VANGL2: variants seen among roughly 807,000 people sequenced by gnomAD.
The protein encoded by VANGL2 is vang-like protein 2.
Under a neutral mutation model 50.2 loss-of-function variants are expected in VANGL2, and 14 were observed. The ratio of observed to expected loss-of-function variants is 0.28; its 90% CI spans 0.18 to 0.44. The LOEUF is 0.44. Among genes scored for constraint, VANGL2 ranks in the 20% least tolerant of loss-of-function variants. The probability of loss-of-function intolerance (pLI) is 1.00; values close to 1 mark genes in which losing one functional copy is unlikely to be tolerated. For missense variants in VANGL2, 533 were observed against 701.5 expected, an observed-to-expected ratio of 0.76 and a Z score of 2.71; for synonymous variants, 295 against 297.2, an observed-to-expected ratio of 0.99 and a Z score of 0.08.
In VANGL2 at chr1:160,419,240, C is replaced by T; in HGVS notation, c.431C>T (p.Ala144Val). ...WREELEPCGT[A>V]CEGLFISVAF... Reference sequence around the variant, plus strand: ...GAGGAGCTGGAGCCTTGCGGGACGGCCTGCGAGGGCCTCTTCATCTCTGTC... The same window carrying T: ...GAGGAGCTGGAGCCTTGCGGGACGGTCTGCGAGGGCCTCTTCATCTCTGTC... The change falls in exon 4 of 8, where the codon GCC becomes GTC. Residue 144 changes from alanine (A) to valine (V), a missense_variant. Physicochemically the swap from Ala to Val is moderately conservative, Grantham distance 64 (BLOSUM62 0). Transcript: ENST00000368061. This position sits in a 1 kb window ranked among gnomAD's most constrained non-coding sequence, Gnocchi z 5.8. 1 of 1,608,788 alleles carries T rather than the reference C, an allele frequency of 6.2e-7. No individual in the cohort carries two copies. Among genetic ancestry groups the T allele is most frequent in the East Asian group, 2.2e-5 (1 of 44,874 alleles).
At chr1:160,415,562 G>T in intron 1 of VANGL2, 86 bp from the exon 2 acceptor site, 2 of 502,176 alleles carry the variant, frequency 4.0e-6, no homozygotes, top group Non-Finnish European at 7.3e-6. Context: ...TGAGCCTCCT[G>T]TGGCTGTTGT....
chr1:160,416,307 G>A, intron 3 of VANGL2, 125 bp downstream of exon 3: 4 of 1,514,716 alleles, frequency 2.6e-6, no homozygotes, highest in Non-Finnish European at 3.6e-6. Context: ...ATCGGGGAGT[G>A]TGTTTTGTGT....
chr1:160,423,800 A>G (rs1020901293), intron 6 of VANGL2, among the ~76,000 whole-genome samples: 2 of 152,244 alleles, frequency 1.3e-5, no homozygotes, highest in African/African-American at 2.4e-5. Context: ...TTCCTATAGC[A>G]TAGTTCCTAG....
intron 1 of VANGL2, among the ~76,000 whole-genome samples, chr1:160,405,795 A>T (rs1650639427): frequency 6.6e-6 from 1 of 152,072 alleles, no homozygotes; most frequent in Non-Finnish European, 1.5e-5. Flanking sequence ...AGAGGAGGAA[A>T]GGTGGGGGAT....
At chr1:160,420,665 G>C (rs566752920) in intron 5 of VANGL2, 118 bp downstream of exon 5, 1 of 1,483,462 alleles carries the variant, frequency 6.7e-7, no homozygotes, top group Non-Finnish European at 9.3e-7. Context: ...TGTTCTAGCC[G>C]CTTCTATTCA....
chr1:160,421,216 A>G (rs1156603966), intron 6 of VANGL2, 29 bp downstream of exon 6: 15 of 1,611,524 alleles, frequency 9.3e-6, no homozygotes, highest in Non-Finnish European at 1.2e-5. Flanking sequence ...AGAGGAGAGG[A>G]GGTGCTTGTT....
intron 6 of VANGL2, 98 bp downstream of exon 6, chr1:160,421,285 TG>T: frequency 1.3e-6 from 2 of 1,496,434 alleles, no homozygotes; most frequent in Non-Finnish European, 1.8e-6. Context: ...TATAGGGCAA[TG>T]ATGACATGAG....
chr1:160,411,786 G>A (rs1244152649), intron 1 of VANGL2, among the ~76,000 whole-genome samples: 1 of 152,108 alleles, frequency 6.6e-6, no homozygotes, highest in African/African-American at 2.4e-5. Flanking sequence ...CCCTTGTCTG[G>A]TTTGAAATTT....
intron 6 of VANGL2, among the ~76,000 whole-genome samples, chr1:160,421,566 A>G (rs1035629430): frequency 1.1e-4 from 16 of 152,286 alleles, no homozygotes; most frequent in Admixed American, 8.5e-4. Context: ...TTTTTTTTCC[A>G]GCAGAAACAG....
At chr1:160,407,396 C>T (rs554998988) in intron 1 of VANGL2, among the ~76,000 whole-genome samples, 2 of 152,288 alleles carry the variant, frequency 1.3e-5, no homozygotes, top group South Asian at 4.1e-4. Context: ...TCCCCAGTCA[C>T]ACTGCATCTC....
At chr1:160,420,645 C>T in intron 5 of VANGL2, 98 bp downstream of exon 5, 2 of 1,579,910 alleles carry the variant, frequency 1.3e-6, no homozygotes, top group African/African-American at 1.3e-5. Context: ...TTTTTCCTTT[C>T]CTTAGCCCAT....
At chr1:160,423,412 T>C (rs1487817223) in intron 6 of VANGL2, among the ~76,000 whole-genome samples, 1 of 152,208 alleles carries the variant, frequency 6.6e-6, no homozygotes, top group African/African-American at 2.4e-5. Context: ...AAAGTAATAT[T>C]TTACTAACAT....
In VANGL2 at chr1:160,416,251, A is replaced by G. The variant is rs180943447; in HGVS notation, c.192+69A>G. Reference sequence around the variant, plus strand: ...CTGCTCCTGAGGGGCTGGAGGCTCCACGGAGTGGGGGAGGGCTTGGAAACC... The same window carrying G: ...CTGCTCCTGAGGGGCTGGAGGCTCCGCGGAGTGGGGGAGGGCTTGGAAACC... On this transcript the variant is annotated intron_variant, in intron 3 of 7. Transcript: ENST00000368061. The G allele has an allele frequency of 2.6e-3, 4,216 of 1,611,250 alleles. 10 individuals carry two copies. Among genetic ancestry groups the G allele is most frequent in the Non-Finnish European group, 3.2e-3 (3,760 of 1,179,132 alleles).
At chr1:160,410,131 C>T (rs1210414184) in intron 1 of VANGL2, among the ~76,000 whole-genome samples, 1 of 152,132 alleles carries the variant, frequency 6.6e-6, no homozygotes, top group Non-Finnish European at 1.5e-5. Flanking sequence ...TTCCCTAGTC[C>T]CTGACTACGG....
rs1461744960 is a variant in VANGL2 at position 160,425,979 on chromosome 1, A to C, written c.*601A>C. On this transcript the variant is annotated 3_prime_UTR_variant, in exon 8 of 8. Transcript: ENST00000368061. Reference sequence around the variant, plus strand: ...TTGCTAGGAGCATTTGCTTCCACATATATTTAGAGCAAAGAAGGATCCCAT... The same window carrying C: ...TTGCTAGGAGCATTTGCTTCCACATCTATTTAGAGCAAAGAAGGATCCCAT... The C allele has an allele frequency of 6.6e-6, 1 of 152,442 alleles. No individual in the cohort carries two copies. The highest frequency in any genetic ancestry group is 2.4e-5 in the African/African-American group (1 of 41,426). The allele number at this position is 152,442 out of a possible 1,614,324, so 9.4% of individuals were successfully genotyped here.
chr1:160,409,421 A>G (rs992980368), intron 1 of VANGL2, among the ~76,000 whole-genome samples: 6 of 152,132 alleles, frequency 3.9e-5, no homozygotes, highest in Non-Finnish European at 7.3e-5. Context: ...AGGGTGGTTC[A>G]GCCAGCTGTG....
chr1:160,416,177 G>T lies in VANGL2; in HGVS notation c.187G>T (p.Glu63Ter). The T allele has an allele frequency of 6.2e-7, 1 of 1,614,204 alleles. No homozygotes were observed. Among genetic ancestry groups the T allele is most frequent in the South Asian group, 1.1e-5 (1 of 91,068 alleles). Residue 63 changes from glutamate to a stop codon, truncating the protein, a stop_gained, in exon 3 of 8, where the codon GAG (glutamate) becomes TAG (stop). Transcript: ENST00000368061. LOFTEE classifies it high-confidence loss of function. The part of the protein sequence containing the change: ...LLDNESTRGD[E>*]RDDNWGETTT... Reference sequence around the variant, plus strand: ...GGACAATGAGTCCACACGAGGGGATGAGCGGGTGAGCACTGGGGATGCGGT... The same window carrying T: ...GGACAATGAGTCCACACGAGGGGATTAGCGGGTGAGCACTGGGGATGCGGT...
At chr1:160,403,104 G>T (rs1305427414) in intron 1 of VANGL2, among the ~76,000 whole-genome samples, 2 of 151,632 alleles carry the variant, frequency 1.3e-5, no homozygotes, top group African/African-American at 4.9e-5. Context: ...GTTTGAACGA[G>T]GAACGGGGAA....
At chr1:160,417,383 C>T (rs986846836) in intron 3 of VANGL2, among the ~76,000 whole-genome samples, 4 of 152,170 alleles carry the variant, frequency 2.6e-5, no homozygotes, top group Admixed American at 6.5e-5. Context: ...GGTCTTGGGA[C>T]TCCTCCGTGG....
Sources: gnomAD v4.1 joint callset for allele counts (sites outside exome capture counted in the v4.1 genomes callset) on GRCh38, gnomAD v4.1.1 for gene constraint, Gnocchi (gnomAD v3.1) non-coding constraint, MANE v1.5 for transcripts, NCBI Gene and HGNC (gene_info 2026-07-23, HGNC 2026-07-21) for gene names.